KCTD2: variants seen among roughly 807,000 people sequenced by gnomAD.
The protein encoded by KCTD2 is BTB/POZ domain-containing protein KCTD2.
A neutral mutation model predicts 27.9 loss-of-function variants in KCTD2; 18 were observed. The ratio of observed to expected loss-of-function variants is 0.64; its 90% confidence interval spans 0.45 to 0.96. The LOEUF is 0.96. Ranked by LOEUF, KCTD2 falls within the 40% of genes least tolerant of loss-of-function variation. KCTD2 has a pLI of 0.00. For missense variants in KCTD2, 280 were observed against 348.0 expected (o/e 0.80, Z 1.56); for synonymous variants, 175 against 148.4 (o/e 1.18, Z -1.30).
intron 2 of KCTD2, among the ~76,000 whole-genome samples, chr17:75,052,476 C>T (rs916678175): frequency 6.6e-6 from 1 of 152,150 alleles, no homozygotes; most frequent in Non-Finnish European, 1.5e-5. Flanking sequence ...AATCCCAGAA[C>T]TTTGGGAGGC....
intron 1 of KCTD2, among the ~76,000 whole-genome samples, chr17:75,048,534 T>C (rs554834691): frequency 6.6e-6 from 1 of 152,342 alleles, no homozygotes; most frequent in East Asian, 1.9e-4. Flanking sequence ...TTAAAGAGAT[T>C]TCAAAACCCT....
In KCTD2 at chr17:75,060,666, T is replaced by A. The variant is rs2073395802; in HGVS notation, c.636+1061T>A. 13 of 1,494,146 alleles carry A rather than the reference T, an allele frequency of 8.7e-6. No individual in the cohort carries two copies. In the Middle Eastern group the frequency reaches 7.0e-4, roughly 81 times the overall value. The allele number at this position is 1,494,146 out of a possible 1,614,324, so 92.6% of individuals were successfully genotyped here. On this transcript the variant is annotated intron_variant, in intron 4 of 5. Coordinates refer to ENST00000322444, the MANE Select transcript of KCTD2 (RefSeq NM_015353.3). The stretch of plus-strand genomic sequence containing the variant: ...TGGGCCCGGCCAGGGAGGGCGCGCG[T>A]GCGAGGGCGGGTCAGGCTGCACTCA...
intron 3 of KCTD2, chr17:75,039,789 G>C: frequency 2.5e-6 from 1 of 393,926 alleles, no homozygotes; most frequent in Non-Finnish European, 4.6e-6. Context: ...TTTGATATAG[G>C]TATCCACCTG....
At chr17:75,058,345 A>G (rs1567993805) in intron 3 of KCTD2, among the ~76,000 whole-genome samples, 1 of 150,400 alleles carries the variant, frequency 6.6e-6, no homozygotes, top group African/African-American at 2.5e-5. Context: ...AAGGAAAAAA[A>G]AATAAAAAAT....
chr17:75,065,270 C>T lies in KCTD2; in HGVS notation c.*2223C>T, dbSNP rs2073445727. On this transcript the variant is annotated 3_prime_UTR_variant, in exon 6 of 6. Transcript: ENST00000322444. Reference sequence around the variant, plus strand: ...CAACCCAATGACACCTGTATTGTTCCAGCGCTCCAGGACTCTGGGTTCTTA... The same window carrying T: ...CAACCCAATGACACCTGTATTGTTCTAGCGCTCCAGGACTCTGGGTTCTTA... 1.3e-5 allele frequency: 2 copies of T among 152,180 alleles called. No homozygotes were observed. Among genetic ancestry groups the T allele is most frequent in the Admixed American group, 6.5e-5 (1 of 15,274 alleles). 9.4% of individuals were successfully genotyped at this position (152,180 alleles called of 1,614,324 possible).
rs1404369728 is a variant in KCTD2 at position 75,064,007 on chromosome 17, G to T, written c.*960G>T. On this transcript the variant is annotated 3_prime_UTR_variant, in exon 6 of 6. Transcript: ENST00000322444. The stretch of plus-strand genomic sequence containing the variant: ...GTGTCTCAGAGAGAGTTATTTCTGT[G>T]ACTCTCTTGGAAATGCCTTGACTGA... 2.0e-5 allele frequency: 3 copies of T among 152,760 alleles called. No individual in the cohort carries two copies. Among genetic ancestry groups the T allele is most frequent in the African/African-American group, 7.2e-5 (3 of 41,460 alleles). The allele number at this position is 152,760 out of a possible 1,614,324, so 9.5% of individuals were successfully genotyped here. A position where few individuals can be genotyped will look rare whatever the true frequency, so the allele number is the denominator to read the frequency against.
intron 3 of KCTD2, among the ~76,000 whole-genome samples, chr17:75,054,270 C>T (rs899200387): frequency 2.0e-5 from 3 of 152,132 alleles, no homozygotes; most frequent in Non-Finnish European, 2.9e-5. Flanking sequence ...ACCTCATCCT[C>T]CCAAAGTTCT....
intron 3 of KCTD2, chr17:75,036,123 G>A (rs943691692): frequency 2.3e-5 from 10 of 440,072 alleles, no homozygotes; most frequent in African/African-American, 4.1e-5. Flanking sequence ...GCGTGATCTC[G>A]GCTCACTTCA....
At position 75,063,473 on chromosome 17, in the gene KCTD2, G is replaced by A. The variant is rs1035196348; in HGVS notation, c.*426G>A. 9.9e-6 allele frequency: 2 copies of A among 201,976 alleles called. No individual in the cohort carries two copies. The highest frequency in any genetic ancestry group is 1.0e-4 in the Admixed American group (2 of 19,270). The allele number at this position is 201,976 out of a possible 1,614,324, so 12.5% of individuals were successfully genotyped here. Reference sequence around the variant, plus strand: ...TCACCCTATGTGTGCCACAATGGACGTTAGCAGCTGCTTCGGAACACCGTC... The same window carrying A: ...TCACCCTATGTGTGCCACAATGGACATTAGCAGCTGCTTCGGAACACCGTC... On this transcript the variant is annotated 3_prime_UTR_variant, in exon 6 of 6. Transcript: ENST00000322444.
At chr17:75,033,447 G>C (rs1028133439) in intron 1 of KCTD2, among the ~76,000 whole-genome samples, 1 of 151,782 alleles carries the variant, frequency 6.6e-6, no homozygotes, top group Non-Finnish European at 1.5e-5. Context: ...TGTTCCCCCT[G>C]GTTGTACATT....
chr17:75,047,513 A>G lies in KCTD2; in HGVS notation c.263A>G (p.Gln88Arg), dbSNP rs762382591. Residue 88 changes from glutamine (Q) to arginine (R), a missense_variant, in exon 1 of 6, where the codon CAG becomes CGG. Gln to Arg is a conservative substitution (Grantham distance 43). Coordinates refer to ENST00000322444, the MANE Select transcript of KCTD2 (RefSeq NM_015353.3). ...VGGTYFVTTRQTLGREPKSFL... is the reference protein window; with the variant it reads ...VGGTYFVTTRRTLGREPKSFL... ...GGCACCTACTTCGTGACCACCAGAC[A>G]GACCTTAGGCCGGGAGCCCAAGTCA... 6.2e-6 allele frequency: 10 copies of G among 1,611,062 alleles called. No individual in the cohort carries two copies. The highest frequency in any genetic ancestry group is 8.5e-6 in the Non-Finnish European group (10 of 1,179,314).
upstream of KCTD2, among the ~76,000 whole-genome samples, chr17:75,043,913 G>C (rs539356489): frequency 1.3e-5 from 2 of 148,646 alleles, no homozygotes; most frequent in African/African-American, 4.9e-5. Flanking sequence ...ACTTGCTCCA[G>C]AGTTTTACAA....
At chr17:75,043,491 TAGTCCC>T (rs1469145939), upstream of KCTD2, among the ~76,000 whole-genome samples, 1 of 151,840 alleles carries the variant, frequency 6.6e-6, no homozygotes. Flanking sequence ...CATGCACCTG[TAGTCCC>T]AGGTACTCAA....
At chr17:75,055,690 G>C (rs2073342420) in intron 3 of KCTD2, among the ~76,000 whole-genome samples, 1 of 152,148 alleles carries the variant, frequency 6.6e-6, no homozygotes, top group Admixed American at 6.6e-5. Flanking sequence ...AAAAGTAGCT[G>C]GGGTGGTGGC....
At chr17:75,059,644 C>G in intron 4 of KCTD2, 39 bp downstream of exon 4, 2 of 1,484,160 alleles carry the variant, frequency 1.3e-6, no homozygotes, top group South Asian at 1.1e-5. Context: ...AGGCCCCGTT[C>G]AAGGGGTCTG....
At chr17:75,040,429 A>G in intron 3 of KCTD2, 1 of 454,076 alleles carries the variant, frequency 2.2e-6, no homozygotes, top group East Asian at 3.8e-5. Flanking sequence ...TATGATGATA[A>G]GCTTCATTTT....
At chr17:75,058,251 C>G (rs572062987) in intron 3 of KCTD2, among the ~76,000 whole-genome samples, 20 of 151,164 alleles carry the variant, frequency 1.3e-4, no homozygotes, top group African/African-American at 4.6e-4. Flanking sequence ...CGCTTGAACT[C>G]GGGAGGCGGA....
intron 3 of KCTD2, chr17:75,039,274 T>C: frequency 6.2e-7 from 1 of 1,614,018 alleles, no homozygotes; most frequent in Non-Finnish European, 8.5e-7. Context: ...GATTTCACCT[T>C]TAAGAAGAAA....
chr17:75,049,446 G>T (rs1172797642), intron 2 of KCTD2, 118 bp downstream of exon 2: 2 of 648,552 alleles, frequency 3.1e-6, no homozygotes, highest in Admixed American at 2.6e-5. Flanking sequence ...TATAGTTTCA[G>T]GTTTATGAAA....
Sources: allele counts gnomAD v4.1 joint callset (sites outside exome capture counted in the v4.1 genomes callset), GRCh38; gene constraint gnomAD v4.1.1; transcripts MANE v1.5; gene names NCBI Gene and HGNC (gene_info 2026-07-23, HGNC 2026-07-21).